The following MDFI variants were observed in gnomAD, a reference collection of about 807,000 sequenced individuals.
MDFI encodes the protein MyoD family inhibitor.
In MDFI, 16 loss-of-function variants were observed where a neutral mutation model predicts 22.3. The ratio of observed to expected loss-of-function variants is 0.72; its 90% confidence interval spans 0.49 to 1.09. MDFI has a LOEUF of 1.09. Among genes scored for constraint, MDFI ranks in the 50% least tolerant of loss-of-function variants. The pLI is 0.00. For synonymous variants in MDFI, 145 were observed against 142.7 expected, an observed-to-expected ratio of 1.02 and a Z score of -0.12; for missense variants, 314 against 326.1, an observed-to-expected ratio of 0.96 and a Z score of 0.29.
At chr6:41,643,194 CG>C (rs964127940) in intron 2 of MDFI, among the ~76,000 whole-genome samples, 1 of 152,184 alleles carries the variant, frequency 6.6e-6, no homozygotes, top group African/African-American at 2.4e-5. Flanking sequence ...GCGGCTCACT[CG>C]GGGGTCTTGA....
Position 41,653,193 on chromosome 6 carries a change from G to T in MDFI, c.485-126G>T. The T allele has an allele frequency of 1.0e-6, 1 of 968,546 alleles. No homozygotes were observed. The highest frequency in any genetic ancestry group is 1.6e-6 in the Non-Finnish European group (1 of 631,858). 60.0% of individuals were successfully genotyped at this position (968,546 alleles called of 1,614,324 possible). On this transcript the variant is annotated intron_variant, in intron 4 of 4. Coordinates refer to ENST00000230321, the MANE Select transcript of MDFI (RefSeq NM_005586.4). This position sits in a 1 kb window ranked among gnomAD's most constrained non-coding sequence, Gnocchi z 4.2. ...TGTGGGGACGGATTCGTGAGCTTCAGGCACACAGTGAACACTCAGCGTCCC... is the reference window on the plus strand; with the variant it reads ...TGTGGGGACGGATTCGTGAGCTTCATGCACACAGTGAACACTCAGCGTCCC...
intron 2 of MDFI, among the ~76,000 whole-genome samples, chr6:41,642,855 A>G (rs1177359840): frequency 6.6e-6 from 1 of 152,184 alleles, no homozygotes; most frequent in Non-Finnish European, 1.5e-5. Flanking sequence ...ATCCAAGGTC[A>G]CCAGCCCTGT....
intron 2 of MDFI, among the ~76,000 whole-genome samples, chr6:41,645,745 T>C (rs890550130): frequency 6.6e-6 from 1 of 152,122 alleles, no homozygotes; most frequent in Non-Finnish European, 1.5e-5. Context: ...CCTCTCACTG[T>C]CCCTTTGATT....
chr6:41,653,689 G>A lies in MDFI; in HGVS notation c.*114G>A. The A allele has an allele frequency of 7.3e-7, 1 of 1,360,806 alleles. No homozygotes were observed. 84.3% of individuals were successfully genotyped at this position (1,360,806 alleles called of 1,614,324 possible). The stretch of plus-strand genomic sequence containing the variant: ...AGGCTTGAGAAGCCCCCTCTCCCTG[G>A]TCCTCTCCTACCCACCCATGTCCTC... On this transcript the variant is annotated 3_prime_UTR_variant, in exon 5 of 5. Coordinates refer to ENST00000230321, the MANE Select transcript of MDFI (RefSeq NM_005586.4). This position sits in a 1 kb window ranked among gnomAD's most constrained non-coding sequence, Gnocchi z 4.2.
rs181801115 is a variant in MDFI, at chr6:41,651,051, C to A, written c.484+1208C>A. Among the ~76,000 whole-genome samples, 407 of 151,980 alleles carry A rather than the reference C, an allele frequency of 2.7e-3. 2 individuals are homozygous for A. The highest frequency in any genetic ancestry group is 4.7e-3 in the Non-Finnish European group (320 of 67,946). ...TGAAACCCTGTCTCTACTAAAAATA[C>A]AAAAAATTAGCCAGGCGTGGCGGTG... On this transcript the variant is annotated intron_variant, in intron 4 of 4. Coordinates refer to ENST00000230321, the MANE Select transcript of MDFI (RefSeq NM_005586.4).
At chr6:41,652,060 G>A (rs1371987778) in intron 4 of MDFI, among the ~76,000 whole-genome samples, 1 of 152,204 alleles carries the variant, frequency 6.6e-6, no homozygotes, top group African/African-American at 2.4e-5. Flanking sequence ...GGGAGGCGAT[G>A]TCCTCTGAGG....
upstream of MDFI, among the ~76,000 whole-genome samples, chr6:41,637,764 G>T (rs983632419): frequency 4.6e-5 from 7 of 152,096 alleles, no homozygotes. The surrounding 1 kb of genome is among the most constrained non-coding windows in gnomAD (Gnocchi z 6.8). Context: ...CTCGGATTCA[G>T]TCTGGATCCC....
chr6:41,651,543 AGG>A, intron 4 of MDFI, among the ~76,000 whole-genome samples: 1 of 128,164 alleles, frequency 7.8e-6, no homozygotes, highest in Non-Finnish European at 1.7e-5. Flanking sequence ...CTTACCAACC[AGG>A]CAGTAAGCCT....
intron 2 of MDFI, among the ~76,000 whole-genome samples, chr6:41,641,896 C>T (rs1340844194): frequency 6.6e-6 from 1 of 152,124 alleles, no homozygotes; most frequent in East Asian, 1.9e-4. Flanking sequence ...GGATGGCAAG[C>T]AGAGAGAACC....
chr6:41,651,885 C>A (rs924147430), intron 4 of MDFI, among the ~76,000 whole-genome samples: 2 of 152,254 alleles, frequency 1.3e-5, no homozygotes, highest in Non-Finnish European at 2.9e-5. Flanking sequence ...AGCGCAGCTT[C>A]ATGCATTTCT....
At chr6:41,639,698 A>G (rs1767777472) in intron 2 of MDFI, 1 of 985,236 alleles carries the variant, frequency 1.0e-6, no homozygotes, top group Non-Finnish European at 1.2e-6. Flanking sequence ...CATAATTGGA[A>G]TCTCCACTGT....
chr6:41,650,026 T>C, intron 4 of MDFI, 183 bp downstream of exon 4: 1 of 604,846 alleles, frequency 1.7e-6, no homozygotes, highest in South Asian at 2.1e-5. Context: ...GCAGGGAACC[T>C]GACGCATGAC....
At chr6:41,639,033 G>A (rs1767744822) in intron 2 of MDFI, among the ~76,000 whole-genome samples, 1 of 152,106 alleles carries the variant, frequency 6.6e-6, no homozygotes, top group East Asian at 1.9e-4. Flanking sequence ...CAGAGGCTGC[G>A]GCTGCGCCAA....
At chr6:41,639,318 T>C (rs1767762213) in intron 2 of MDFI, 2 of 985,194 alleles carry the variant, frequency 2.0e-6, no homozygotes, top group South Asian at 9.4e-5. Context: ...CCCCTCTTTC[T>C]TGCCATCCCT....
At chr6:41,640,029 C>A in intron 2 of MDFI, 2 of 767,686 alleles carry the variant, frequency 2.6e-6, no homozygotes, top group Non-Finnish European at 3.2e-6. Flanking sequence ...GTGTCTACAG[C>A]CCATCTTGGC....
In MDFI at chr6:41,649,790, G is replaced by A. The variant is rs759949486; in HGVS notation, c.431G>A (p.Ser144Asn). 1.2e-6 allele frequency: 2 copies of A among 1,614,098 alleles called. No homozygotes were observed. Among genetic ancestry groups the A allele is most frequent in the South Asian group, 1.1e-5 (1 of 91,078 alleles). Residue 144 changes from serine to asparagine, a missense_variant, in exon 4 of 5, where the codon AGT becomes AAT. Physicochemically the swap from Ser to Asn is conservative, Grantham distance 46. Transcript: ENST00000230321. ...CTCGCCAGCCAGGGCAGCAAGAAGAGTAAGAGCAGCAGCAAATCCACCACC... is the reference window on the plus strand; with the variant it reads ...CTCGCCAGCCAGGGCAGCAAGAAGAATAAGAGCAGCAGCAAATCCACCACC... ...PSLASQGSKK[S>N]KSSSKSTTSQ...
chr6:41,648,255 G>A (rs1157458258), intron 3 of MDFI, among the ~76,000 whole-genome samples: 1 of 151,982 alleles, frequency 6.6e-6, no homozygotes, highest in East Asian at 1.9e-4. Flanking sequence ...TGTGACCTTG[G>A]GCAACTTACT....
Position 41,654,150 on chromosome 6 carries a change from G to T in MDFI, c.*575G>T, listed in dbSNP as rs1228321821. The T allele has an allele frequency of 1.2e-5, 2 of 166,608 alleles. No homozygotes were observed. The highest frequency in any genetic ancestry group is 2.7e-5 in the Non-Finnish European group (2 of 74,888). 10.3% of individuals were successfully genotyped at this position (166,608 alleles called of 1,614,324 possible). On this transcript the variant is annotated 3_prime_UTR_variant, in exon 5 of 5. Transcript: ENST00000230321. The stretch of plus-strand genomic sequence containing the variant: ...GAGAGCCTGGGGTGGGGCGGGAGGG[G>T]GAACAGTATGGAAAAGACTGGAAGG...
chr6:41,643,798 T>G (rs1405321619), intron 2 of MDFI, among the ~76,000 whole-genome samples: 1 of 151,882 alleles, frequency 6.6e-6, no homozygotes, highest in African/African-American at 2.4e-5. Context: ...GGCATGAGAT[T>G]AGGACTGCAA....
Sources: allele counts gnomAD v4.1 joint callset (sites outside exome capture counted in the v4.1 genomes callset), GRCh38; gene constraint gnomAD v4.1.1; non-coding constraint Gnocchi (gnomAD v3.1); transcripts MANE v1.5; gene names NCBI Gene and HGNC (gene_info 2026-07-23, HGNC 2026-07-21).